DGKB: variants seen among roughly 807,000 people sequenced by gnomAD.
DGKB encodes diacylglycerol kinase beta, also known as 90 kDa diacylglycerol kinase.
DGKB carries 67 observed loss-of-function variants against 114.3 expected under a neutral mutation model. That is an observed-to-expected ratio of 0.59 (90% confidence interval 0.48 to 0.72). DGKB has a LOEUF of 0.72. Ranked by LOEUF, DGKB falls within the 30% of genes least tolerant of loss-of-function variation. The probability of loss-of-function intolerance (pLI) is 0.00; values close to 1 mark genes in which losing one functional copy is unlikely to be tolerated. For synonymous variants in DGKB, 398 were observed against 323.1 expected (o/e 1.23, Z -2.49); for missense variants, 907 against 975.2 (o/e 0.93, Z 0.93).
In DGKB at chr7:14,213,972, TTC is replaced by T. The variant is rs199865036; in HGVS notation, c.2123-35823_2123-35822del. 7.8e-4 allele frequency among the ~76,000 whole-genome samples: 119 copies of T among 152,128 alleles called. 2 individuals are homozygous for T. In the East Asian group the frequency reaches 0.021, roughly 27 times the overall value. Reference sequence around the variant, plus strand: ...GTATAGTGAGGTTTTACATGTTGCGTTCTCTCTCTTTCCTTCTTCCTCTTTTT... The same window carrying T: ...GTATAGTGAGGTTTTACATGTTGCGTTCTCTCTTTCCTTCTTCCTCTTTTT... On this transcript the variant is annotated intron_variant, in intron 23 of 25. Coordinates refer to ENST00000402815, the MANE Select transcript of DGKB (RefSeq NM_001350709.2).
At chr7:14,282,854 G>A (rs903017783) in intron 23 of DGKB, among the ~76,000 whole-genome samples, 4 of 152,070 alleles carry the variant, frequency 2.6e-5, no homozygotes, top group African/African-American at 9.7e-5. Context: ...GTATTGATGG[G>A]ACATATTTCA....
intron 23 of DGKB, among the ~76,000 whole-genome samples, chr7:14,229,041 A>G (rs1415927585): frequency 6.6e-6 from 1 of 152,028 alleles, no homozygotes; most frequent in Non-Finnish European, 1.5e-5. Flanking sequence ...AAACCAATGT[A>G]TATGTATGAG....
chr7:14,658,290 A>C (rs1419122925), intron 13 of DGKB, among the ~76,000 whole-genome samples: 1 of 151,968 alleles, frequency 6.6e-6, no homozygotes, highest in Non-Finnish European at 1.5e-5. Context: ...CTGGAGGTCA[A>C]TATGATAGGT....
chr7:14,758,383 TGATATA>T (rs770631836), intron 2 of DGKB, among the ~76,000 whole-genome samples: 1 of 152,078 alleles, frequency 6.6e-6, no homozygotes, highest in Non-Finnish European at 1.5e-5. Context: ...TACATTAATA[TGATATA>T]GATATATACA....
chr7:14,311,954 A>C (rs1262729021), intron 23 of DGKB, among the ~76,000 whole-genome samples: 1 of 152,178 alleles, frequency 6.6e-6, no homozygotes, highest in African/African-American at 2.4e-5. Flanking sequence ...ATGACAGTGG[A>C]TAACTGTAAA....
intron 23 of DGKB, among the ~76,000 whole-genome samples, chr7:14,195,073 A>G (rs567079057): frequency 6.6e-6 from 1 of 152,322 alleles, no homozygotes; most frequent in South Asian, 2.1e-4. Flanking sequence ...AGCCATGTGT[A>G]TTATCAGTAA....
At chr7:14,958,970 T>C (rs1409697929) in intron 1 of DGKB, among the ~76,000 whole-genome samples, 2 of 152,192 alleles carry the variant, frequency 1.3e-5, no homozygotes, top group South Asian at 2.1e-4. Context: ...ACCACATGAT[T>C]CCAAAGTTTT....
intron 21 of DGKB, among the ~76,000 whole-genome samples, chr7:14,445,249 G>A (rs1033066954): frequency 2.0e-5 from 3 of 151,768 alleles, no homozygotes; most frequent in Non-Finnish European, 4.4e-5. Context: ...TGAAGGAAAT[G>A]GAAGAGTGAA....
At chr7:14,470,594 TC>T (rs1781136522) in intron 21 of DGKB, among the ~76,000 whole-genome samples, 1 of 151,806 alleles carries the variant, frequency 6.6e-6, no homozygotes, top group South Asian at 2.1e-4. Context: ...AAACATGAAT[TC>T]CTACAAATGT....
At chr7:14,352,404 A>C (rs79014268) in intron 21 of DGKB, among the ~76,000 whole-genome samples, 4,491 of 152,284 alleles carry the variant, frequency 0.029, 226 homozygotes, top group African/African-American at 0.1. Context: ...TTCTTACCTA[A>C]ATGTTCTCTA....
At chr7:14,755,125 A>G (rs955535714) in intron 3 of DGKB, among the ~76,000 whole-genome samples, 81 of 152,174 alleles carry the variant, frequency 5.3e-4, no homozygotes, top group African/African-American at 1.9e-3. Context: ...ATTCCTACAG[A>G]ATCTTTAAGG....
chr7:14,813,308 A>G (rs1007248375), intron 2 of DGKB, among the ~76,000 whole-genome samples: 31 of 152,220 alleles, frequency 2.0e-4, no homozygotes, highest in Non-Finnish European at 3.2e-4. Flanking sequence ...TTCAACTTCA[A>G]TAAATAAACT....
At chr7:14,734,014 C>T (rs976322316) in intron 5 of DGKB, among the ~76,000 whole-genome samples, 1 of 135,706 alleles carries the variant, frequency 7.4e-6, no homozygotes, top group African/African-American at 3.1e-5. Flanking sequence ...TATCTCTATA[C>T]CAACACGTGT....
At chr7:14,190,869 A>C (rs569445712) in intron 23 of DGKB, 2 of 153,000 alleles carry the variant, frequency 1.3e-5, no homozygotes, top group East Asian at 3.9e-4. Context: ...GTCCACCACT[A>C]CTGGCCATTT....
At chr7:14,612,417 C>T (rs1805732850) in intron 16 of DGKB, among the ~76,000 whole-genome samples, 1 of 152,000 alleles carries the variant, frequency 6.6e-6, no homozygotes. Flanking sequence ...GGTCTGCCCA[C>T]CTCAGCCTCC....
chr7:14,168,536 A>G (rs1055585634), intron 25 of DGKB, among the ~76,000 whole-genome samples: 1 of 152,240 alleles, frequency 6.6e-6, no homozygotes, highest in Non-Finnish European at 1.5e-5. Flanking sequence ...AAAACTAAAG[A>G]CAAAGAAAAA....
chr7:14,339,169 C>A (rs1811188152), intron 22 of DGKB, among the ~76,000 whole-genome samples: 1 of 150,930 alleles, frequency 6.6e-6, no homozygotes, highest in Admixed American at 6.6e-5. Flanking sequence ...GGTCTCACAC[C>A]TTTGGGGCAG....
intron 1 of DGKB, among the ~76,000 whole-genome samples, chr7:14,882,620 G>T (rs182059141): frequency 6.6e-6 from 1 of 151,708 alleles, no homozygotes; most frequent in Non-Finnish European, 1.5e-5. Context: ...AGTCTCTATT[G>T]TCTATCATTC....
chr7:14,565,146 T>A (rs1797206677), intron 20 of DGKB, among the ~76,000 whole-genome samples: 1 of 152,136 alleles, frequency 6.6e-6, no homozygotes. Flanking sequence ...GAGGTTTGCA[T>A]CAAGAGGTTT....
Sources: gnomAD v4.1 joint callset for allele counts (sites outside exome capture counted in the v4.1 genomes callset) on GRCh38, gnomAD v4.1.1 for gene constraint, MANE v1.5 for transcripts, NCBI Gene and HGNC (gene_info 2026-07-23, HGNC 2026-07-21) for gene names.